Variants in USP40 observed in about 807,000 individuals in gnomAD.
USP40 encodes ubiquitin carboxyl-terminal hydrolase 40.
USP40 carries 143 observed loss-of-function variants against 166.2 expected under a neutral mutation model. The ratio of observed to expected loss-of-function variants is 0.86; its 90% CI spans 0.75 to 0.99. The LOEUF (loss-of-function observed/expected upper bound fraction) is 0.99, where lower values mean the gene tolerates loss of function less well. USP40 is among the 50% of genes least tolerant of loss of function. USP40 has a pLI of 0.00. For missense variants in USP40, 1,444 were observed against 1,479.7 expected, an observed-to-expected ratio of 0.98 and a Z score of 0.40; for synonymous variants, 498 against 524.0, an observed-to-expected ratio of 0.95 and a Z score of 0.68.
chr2:233,528,271 G>T (rs967635325), intron 12 of USP40, among the ~76,000 whole-genome samples: 2 of 152,194 alleles, frequency 1.3e-5, no homozygotes, highest in African/African-American at 4.8e-5. Context: ...GAGCCACTGC[G>T]ACCGGCCCCA....
At chr2:233,516,715 G>A (rs1404518872) in intron 18 of USP40, among the ~76,000 whole-genome samples, 1 of 151,596 alleles carries the variant, frequency 6.6e-6, no homozygotes, top group Non-Finnish European at 1.5e-5. Flanking sequence ...AAAATTAGCT[G>A]GACGTGGTGG....
At chr2:233,514,432 A>C (rs2067043290) in intron 18 of USP40, among the ~76,000 whole-genome samples, 1 of 152,228 alleles carries the variant, frequency 6.6e-6, no homozygotes, top group Non-Finnish European at 1.5e-5. Flanking sequence ...AGCACTAAGA[A>C]GTCTTGGGGG....
At chr2:233,556,119 A>AC (rs2071067557) in intron 5 of USP40, among the ~76,000 whole-genome samples, 4 of 151,560 alleles carry the variant, frequency 2.6e-5, no homozygotes, top group African/African-American at 9.7e-5. Context: ...CCATCTCAAA[A>AC]AAAAAAAAAA....
Position 233,481,286 on chromosome 2 carries a change from A to T in USP40, c.3516T>A (p.Ile1172=), listed in dbSNP as rs770834936. ...TTGTACTGAAATCATCATCGTCGTC[A>T]ATCAGGAGATTCTACATTTCAAAAG... ...GDTIGVKNLL[I]DDDDDFSTIR... is the part of the protein sequence containing the mutation. Residue 1172 remains isoleucine (I), a synonymous_variant, in exon 31 of 32, where the codon ATT becomes ATA. Coordinates refer to ENST00000678225, the MANE Select transcript of USP40 (RefSeq NM_001365479.2). The T allele has an allele frequency of 6.2e-7, 1 of 1,600,630 alleles. No homozygotes were observed. The highest frequency in any genetic ancestry group is 1.1e-5 in the South Asian group (1 of 88,346).
intron 21 of USP40, among the ~76,000 whole-genome samples, chr2:233,509,733 C>T (rs2066665411): frequency 6.6e-6 from 1 of 150,572 alleles, no homozygotes; most frequent in Admixed American, 6.7e-5. Context: ...CCCAGCTACT[C>T]AGGAGGCTGA....
chr2:233,512,013 T>C, intron 19 of USP40: 1 of 421,536 alleles, frequency 2.4e-6, no homozygotes, highest in East Asian at 4.1e-5. Flanking sequence ...TATGTAACAA[T>C]GCTAAATGGA....
rs771349240 is a variant in USP40, at chr2:233,527,509, G to A, written c.1623C>T (p.Phe541=). 2 of 1,613,548 alleles carry A rather than the reference G, an allele frequency of 1.2e-6. No homozygotes were observed. Among genetic ancestry groups the A allele is most frequent in the Non-Finnish European group, 1.7e-6 (2 of 1,179,766 alleles). The stretch of plus-strand genomic sequence containing the variant: ...AGACTACTGGGTGCAGAGCCCCATT[G>A]AAGAAATGATACTGAGGGCCCAGGT... ...HLHLGPQYHF[F]NGALHPVVSQ... Residue 541 remains phenylalanine, a synonymous_variant, in exon 13 of 32, where the codon TTC becomes TTT. Transcript: ENST00000678225.
At chr2:233,513,521 G>A (rs1488449061) in intron 18 of USP40, among the ~76,000 whole-genome samples, 1 of 152,154 alleles carries the variant, frequency 6.6e-6, no homozygotes, top group African/African-American at 2.4e-5. Context: ...GTGCCCTGAA[G>A]AGCTGGCAGT....
At chr2:233,477,736 G>A (rs2064263040) in intron 31 of USP40, among the ~76,000 whole-genome samples, 1 of 152,266 alleles carries the variant, frequency 6.6e-6, no homozygotes, top group Admixed American at 6.5e-5. Context: ...CATGGTTCAG[G>A]CTCTGGGGCT....
At chr2:233,482,905 T>G (rs2064718097) in intron 30 of USP40, among the ~76,000 whole-genome samples, 1 of 152,248 alleles carries the variant, frequency 6.6e-6, no homozygotes, top group South Asian at 2.1e-4. Flanking sequence ...TCCCTGCAAT[T>G]GGCAAGCTGA....
chr2:233,489,336 G>A (rs1316851355), intron 27 of USP40, 29 bp downstream of exon 27: 5 of 1,544,134 alleles, frequency 3.2e-6, no homozygotes, highest in Non-Finnish European at 4.4e-6. Context: ...AGCAGAGAGG[G>A]ACAGTGTTGC....
intron 27 of USP40, among the ~76,000 whole-genome samples, 156 bp from the exon 28 acceptor site, chr2:233,488,460 A>G (rs1479003158): frequency 6.6e-6 from 1 of 152,212 alleles, no homozygotes; most frequent in Non-Finnish European, 1.5e-5. Context: ...AAAAAATGAG[A>G]ATCCTTGCTG....
intron 24 of USP40, among the ~76,000 whole-genome samples, chr2:233,494,977 TATACAC>T (rs2065653491): frequency 1.0e-5 from 1 of 96,736 alleles, no homozygotes; most frequent in African/African-American, 5.5e-5. Flanking sequence ...TATATATATA[TATACAC>T]ACACATAAAA....
chr2:233,528,465 G>A (rs1231311986), intron 12 of USP40, among the ~76,000 whole-genome samples: 6 of 152,158 alleles, frequency 3.9e-5, no homozygotes, highest in African/African-American at 1.2e-4. Context: ...CGCAACTCAC[G>A]TACTTCAGGA....
intron 8 of USP40, among the ~76,000 whole-genome samples, chr2:233,548,853 T>C (rs1471736778): frequency 6.6e-6 from 1 of 152,110 alleles, no homozygotes; most frequent in Non-Finnish European, 1.5e-5. Context: ...TGTGGCAAAA[T>C]GTTAACAATT....
intron 2 of USP40, among the ~76,000 whole-genome samples, chr2:233,564,712 A>C (rs2071977278): frequency 6.6e-6 from 1 of 152,196 alleles, no homozygotes; most frequent in African/African-American, 2.4e-5. Context: ...TTTTTTATAT[A>C]TATATAAAAT....
At chr2:233,539,742 A>T (rs2125306936) in intron 10 of USP40, among the ~76,000 whole-genome samples, 1 of 152,282 alleles carries the variant, frequency 6.6e-6, no homozygotes, top group East Asian at 1.9e-4. Flanking sequence ...GAAAAAGATG[A>T]TCAAATTAAG....
At chr2:233,547,396 A>G (rs1304163345) in intron 8 of USP40, among the ~76,000 whole-genome samples, 2 of 152,210 alleles carry the variant, frequency 1.3e-5, no homozygotes, top group Non-Finnish European at 2.9e-5. Context: ...TACAACTGAT[A>G]GAATGTCAGA....
At chr2:233,508,957 T>C (rs2066613707) in intron 21 of USP40, among the ~76,000 whole-genome samples, 1 of 152,238 alleles carries the variant, frequency 6.6e-6, no homozygotes, top group Non-Finnish European at 1.5e-5. Context: ...TCTTTGATGA[T>C]TCCAATGGTC....
Sources: allele counts gnomAD v4.1 joint callset (sites outside exome capture counted in the v4.1 genomes callset), GRCh38; gene constraint gnomAD v4.1.1; transcripts MANE v1.5; gene names NCBI Gene and HGNC (gene_info 2026-07-23, HGNC 2026-07-21).